The following WDR27 variants were observed in gnomAD, a reference collection of about 807,000 sequenced individuals.
WDR27 encodes the protein WD repeat-containing protein 27.
A neutral mutation model predicts 114.4 loss-of-function variants in WDR27; 100 were observed. That is an observed-to-expected ratio of 0.87 (90% CI 0.74 to 1.03). The LOEUF is 1.03. WDR27 is among the 50% of genes least tolerant of loss of function. The pLI, the probability that WDR27 is intolerant of heterozygous loss-of-function variation, is 0.00. For missense variants in WDR27, 1,129 were observed against 1,092.9 expected, an observed-to-expected ratio of 1.03 and a Z score of -0.47; for synonymous variants, 449 against 423.1, an observed-to-expected ratio of 1.06 and a Z score of -0.75.
At chr6:169,570,835 A>T (rs1463993443) in intron 25 of WDR27, among the ~76,000 whole-genome samples, 2 of 152,210 alleles carry the variant, frequency 1.3e-5, no homozygotes, top group Non-Finnish European at 2.9e-5. Flanking sequence ...GTTTCAAAAA[A>T]AAAGAAAAAA....
intron 25 of WDR27, among the ~76,000 whole-genome samples, chr6:169,496,180 A>G (rs1198866677): frequency 6.6e-6 from 1 of 152,074 alleles, no homozygotes; most frequent in Admixed American, 6.5e-5. Context: ...GATTATCTCA[A>G]TTGGTGCAGG....
chr6:169,456,484 A>C (rs150876156), downstream of WDR27, among the ~76,000 whole-genome samples: 2 of 152,318 alleles, frequency 1.3e-5, no homozygotes, highest in East Asian at 3.9e-4. This position sits in a 1 kb window ranked among gnomAD's most constrained non-coding sequence, Gnocchi z 4.0. Context: ...CACATGGGGC[A>C]TCACAGGCTG....
chr6:169,659,217 C>G lies in WDR27; in HGVS notation c.1198-10G>C, dbSNP rs770379708. The G allele has an allele frequency of 1.9e-6, 3 of 1,585,560 alleles. No homozygotes were observed. The South Asian group carries it at 3.5e-5, about 18-fold the overall frequency. ...CCAGCAAGCACAGCACCTGCAGGGA[C>G]GCGGTTTCAACATCGTTAGCGACAC... On this transcript the variant is annotated splice_polypyrimidine_tract_variant and intron_variant, in intron 11 of 25. Coordinates refer to ENST00000448612, the MANE Select transcript of WDR27 (RefSeq NM_182552.5). The surrounding 1 kb of genome is among the most constrained non-coding windows in gnomAD (Gnocchi z 4.3).
intron 25 of WDR27, among the ~76,000 whole-genome samples, chr6:169,531,655 GTTT>G (rs11342717): frequency 4.5e-5 from 6 of 132,996 alleles, no homozygotes; most frequent in Admixed American, 7.4e-5. Context: ...TAAACAGTTT[GTTT>G]TTTTTTTTTT....
At position 169,514,757 on chromosome 6, in the gene WDR27, A is replaced by AATATATATATATAT. The variant is rs112203960; in HGVS notation, c.2646-57137_2646-57124dup. On this transcript the variant is annotated intron_variant, in intron 25 of 25. Coordinates refer to ENST00000448612, the MANE Select transcript of WDR27 (RefSeq NM_182552.5). ...TTCTTACTATAACAGAAAAAAAGAG[A>AATATATATATATAT]ATATATATATATATATATATGATCA... Among the ~76,000 whole-genome samples, 466 of 143,494 alleles carry AATATATATATATAT rather than the reference A, an allele frequency of 3.2e-3. 3 individuals carry two copies. Among genetic ancestry groups the AATATATATATATAT allele is most frequent in the African/African-American group, 0.01 (397 of 38,944 alleles). The allele number at this position is 143,494 out of a possible 152,430, so 94.1% of individuals were successfully genotyped here.
At chr6:169,472,803 G>C (rs924867413) in intron 25 of WDR27, among the ~76,000 whole-genome samples, 3 of 152,106 alleles carry the variant, frequency 2.0e-5, no homozygotes, top group African/African-American at 7.2e-5. Flanking sequence ...ATGTTGGAGT[G>C]AAACTGCATT....
At chr6:169,579,111 G>C (rs1167494565) in intron 24 of WDR27, among the ~76,000 whole-genome samples, 1 of 152,166 alleles carries the variant, frequency 6.6e-6, no homozygotes, top group Admixed American at 6.5e-5. Context: ...TTCTCCACCA[G>C]GTTAACAACA....
At chr6:169,551,737 C>CAAAAAAAAAAAA (rs1296878043) in intron 25 of WDR27, among the ~76,000 whole-genome samples, 2 of 60,692 alleles carry the variant, frequency 3.3e-5, no homozygotes, top group African/African-American at 9.1e-5. Flanking sequence ...GACTCCATCT[C>CAAAAAAAAAAAA]AAAAAAAAAA....
chr6:169,610,445 T>A (rs940628435), intron 22 of WDR27, among the ~76,000 whole-genome samples: 1 of 151,868 alleles, frequency 6.6e-6, no homozygotes, highest in African/African-American at 2.4e-5. Context: ...GGCAGCAGGG[T>A]AAAGACAAAA....
chr6:169,656,791 C>CT (rs1262816364), intron 13 of WDR27, among the ~76,000 whole-genome samples: 1 of 152,208 alleles, frequency 6.6e-6, no homozygotes, highest in Admixed American at 6.5e-5. Flanking sequence ...GTTGTCTTCT[C>CT]TGCTATAGTG....
intron 25 of WDR27, among the ~76,000 whole-genome samples, chr6:169,473,996 G>T (rs1184187016): frequency 1.3e-5 from 2 of 152,228 alleles, no homozygotes; most frequent in African/African-American, 2.4e-5. Context: ...ACTGTGTGTG[G>T]CGAATGGAAG....
At chr6:169,505,215 C>T (rs1583839541) in intron 25 of WDR27, among the ~76,000 whole-genome samples, 1 of 152,236 alleles carries the variant, frequency 6.6e-6, no homozygotes, top group East Asian at 1.9e-4. Context: ...TTCTTAAGAA[C>T]TTAGTAAGCT....
At chr6:169,600,311 T>C (rs1807698792) in intron 23 of WDR27, among the ~76,000 whole-genome samples, 1 of 152,120 alleles carries the variant, frequency 6.6e-6, no homozygotes. Context: ...AAACCCCATC[T>C]ATACATCACC....
chr6:169,429,915 A>G, the WDR27 span, among the ~76,000 whole-genome samples: 1 of 152,180 alleles, frequency 6.6e-6, no homozygotes, highest in Non-Finnish European at 1.5e-5. Context: ...CAGTTTTACC[A>G]GGTATTTGCC....
intron 25 of WDR27, among the ~76,000 whole-genome samples, chr6:169,481,491 C>T (rs761939474): frequency 5.3e-5 from 8 of 152,194 alleles, no homozygotes; most frequent in African/African-American, 9.7e-5. Flanking sequence ...TTTCACTCTT[C>T]GCAATAAATC....
In WDR27 at chr6:169,667,386, A is replaced by G. The variant is rs1342846397; in HGVS notation, c.661-199T>C. 5.7e-6 allele frequency: 7 copies of G among 1,224,656 alleles called. No homozygotes were observed. In the African/African-American group the frequency reaches 9.4e-5, roughly 16 times the overall value. 75.9% of individuals were successfully genotyped at this position (1,224,656 alleles called of 1,614,324 possible). ...TCAGAATCAAAAAGAAAAAAATAAC[A>G]TCACTTCCATAAATAAAACCCTGGT... On this transcript the variant is annotated intron_variant, in intron 5 of 25. Coordinates refer to ENST00000448612, the MANE Select transcript of WDR27 (RefSeq NM_182552.5).
intron 25 of WDR27, among the ~76,000 whole-genome samples, chr6:169,458,154 A>C (rs73789953): frequency 6.6e-6 from 1 of 152,264 alleles, no homozygotes; most frequent in South Asian, 2.1e-4. Flanking sequence ...ACTGTGGTTA[A>C]TTTTTGTCAA....
At chr6:169,503,972 G>T (rs1791677623) in intron 25 of WDR27, among the ~76,000 whole-genome samples, 1 of 151,998 alleles carries the variant, frequency 6.6e-6, no homozygotes, top group South Asian at 2.1e-4. Flanking sequence ...GGAGCAAAAG[G>T]CCAAGCTAAA....
intron 25 of WDR27, among the ~76,000 whole-genome samples, chr6:169,502,731 C>T (rs929958075): frequency 6.6e-6 from 1 of 152,138 alleles, no homozygotes; most frequent in Non-Finnish European, 1.5e-5. Flanking sequence ...CCGGGGTGCT[C>T]TCCTCATCTC....
Sources: gnomAD v4.1 joint callset for allele counts (sites outside exome capture counted in the v4.1 genomes callset) on GRCh38, gnomAD v4.1.1 for gene constraint, Gnocchi (gnomAD v3.1) non-coding constraint, MANE v1.5 for transcripts, NCBI Gene and HGNC (gene_info 2026-07-23, HGNC 2026-07-21) for gene names.